The following STAM2 variants were observed in gnomAD, a reference collection of about 807,000 sequenced individuals.
STAM2 encodes signal transducing adapter molecule 2.
STAM2 carries 51 observed loss-of-function variants against 65.6 expected under a neutral mutation model. The observed-to-expected ratio is 0.78, with a 90% CI of 0.62 to 0.98. The LOEUF (loss-of-function observed/expected upper bound fraction) is 0.98. STAM2 is among the 50% of genes least tolerant of loss of function. The probability of loss-of-function intolerance (pLI) is 0.00; values close to 1 mark genes in which losing one functional copy is unlikely to be tolerated. For missense variants in STAM2, 584 were observed against 617.8 expected (o/e 0.95, Z 0.58); for synonymous variants, 198 against 208.4 (o/e 0.95, Z 0.43).
chr2:152,174,603 G>A (rs757635499), intron 1 of STAM2, among the ~76,000 whole-genome samples: 13 of 152,170 alleles, frequency 8.5e-5, no homozygotes, highest in Non-Finnish European at 1.5e-4. Context: ...GGGAATTACT[G>A]CTGAGATGTG....
intron 9 of STAM2, 63 bp from the exon 10 acceptor site, chr2:152,133,323 T>C: frequency 6.5e-7 from 1 of 1,544,264 alleles, no homozygotes; most frequent in Non-Finnish European, 8.9e-7. Flanking sequence ...AATATGAAAT[T>C]ACTCTTTCCA....
chr2:152,122,070 A>ATGTGTG (rs1301269911), intron 13 of STAM2, among the ~76,000 whole-genome samples: 3 of 112,254 alleles, frequency 2.7e-5, no homozygotes, highest in Admixed American at 1.1e-4. Flanking sequence ...ATATATATAT[A>ATGTGTG]TATATATGTG....
Position 152,162,496 on chromosome 2 carries a change from A to C in STAM2, c.41-12267T>G, listed in dbSNP as rs182300574. On this transcript the variant is annotated intron_variant, in intron 1 of 13. Transcript: ENST00000263904. Reference sequence around the variant, plus strand: ...TCAGAAGGCTGAGGCAGGAGAATACATGAGCCCAGGAGTTTGAGGTTACAG... The same window carrying C: ...TCAGAAGGCTGAGGCAGGAGAATACCTGAGCCCAGGAGTTTGAGGTTACAG... 1.5e-3 allele frequency among the ~76,000 whole-genome samples: 234 copies of C among 152,314 alleles called. 1 individual carries two copies. The highest frequency in any genetic ancestry group is 5.4e-3 in the African/African-American group (226 of 41,544).
intron 1 of STAM2, among the ~76,000 whole-genome samples, chr2:152,175,099 G>A (rs1689988909): frequency 6.6e-6 from 1 of 152,128 alleles, no homozygotes; most frequent in Non-Finnish European, 1.5e-5. Flanking sequence ...TACCCTATCA[G>A]GGATTGAATG....
At chr2:152,146,823 T>C (rs1689343937) in intron 5 of STAM2, among the ~76,000 whole-genome samples, 1 of 152,220 alleles carries the variant, frequency 6.6e-6, no homozygotes, top group Admixed American at 6.5e-5. Flanking sequence ...ACAATCTAAA[T>C]TAGTTATTTT....
chr2:152,158,052 T>C (rs1053216965), intron 1 of STAM2, among the ~76,000 whole-genome samples: 2 of 152,234 alleles, frequency 1.3e-5, no homozygotes, highest in African/African-American at 4.8e-5. Context: ...AAATGTTAGA[T>C]TTGGCAAGAA....
At chr2:152,168,512 G>C (rs1351351516) in intron 1 of STAM2, among the ~76,000 whole-genome samples, 1 of 152,102 alleles carries the variant, frequency 6.6e-6, no homozygotes, top group Non-Finnish European at 1.5e-5. Context: ...CAAAAGCCAT[G>C]CTAGAGACAC....
intron 8 of STAM2, 24 bp downstream of exon 8, chr2:152,135,485 A>G (rs1341708802): frequency 6.7e-7 from 1 of 1,497,152 alleles, no homozygotes; most frequent in Non-Finnish European, 9.3e-7. Context: ...AAATAGATCT[A>G]ATGTCGTCTA....
intron 11 of STAM2, among the ~76,000 whole-genome samples, chr2:152,126,859 G>A (rs1688972337): frequency 6.6e-6 from 1 of 152,154 alleles, no homozygotes; most frequent in African/African-American, 2.4e-5. Context: ...TGTGGGCGGA[G>A]TCTTCATTTG....
intron 5 of STAM2, among the ~76,000 whole-genome samples, chr2:152,145,688 A>G (rs989855298): frequency 6.6e-6 from 1 of 152,226 alleles, no homozygotes; most frequent in Non-Finnish European, 1.5e-5. Context: ...ATGGGGACAG[A>G]GACAAGAGGT....
chr2:152,149,608 C>T (rs1161052686), intron 2 of STAM2, among the ~76,000 whole-genome samples: 1 of 151,316 alleles, frequency 6.6e-6, no homozygotes, highest in Non-Finnish European at 1.5e-5. Flanking sequence ...AGCGATTTTC[C>T]TGTCTCAGCA....
intron 1 of STAM2, among the ~76,000 whole-genome samples, chr2:152,153,400 CA>C (rs1689483050): frequency 6.7e-6 from 1 of 149,880 alleles, no homozygotes. Context: ...AAGGAATAAT[CA>C]AAAGAAGCCA....
At chr2:152,135,434 AC>A in intron 8 of STAM2, 74 bp downstream of exon 8, 1 of 1,025,658 alleles carries the variant, frequency 9.7e-7, no homozygotes, top group Non-Finnish European at 1.5e-6. Flanking sequence ...AATCTACTTT[AC>A]ATCCAAAACT....
intron 13 of STAM2, among the ~76,000 whole-genome samples, chr2:152,121,004 T>C (rs1286242135): frequency 6.6e-6 from 1 of 152,166 alleles, no homozygotes; most frequent in Non-Finnish European, 1.5e-5. Flanking sequence ...GGGATCTTGC[T>C]CTGTTGCCCA....
intron 1 of STAM2, among the ~76,000 whole-genome samples, chr2:152,154,489 G>A (rs1291264644): frequency 6.6e-6 from 1 of 152,142 alleles, no homozygotes; most frequent in East Asian, 1.9e-4. Flanking sequence ...GTGGTGGCAC[G>A]CGCCTGTAGT....
intron 1 of STAM2, among the ~76,000 whole-genome samples, chr2:152,158,475 C>CA (rs371212329): frequency 0.031 from 4,546 of 146,548 alleles, 219 homozygotes; most frequent in African/African-American, 0.11. Context: ...GATTCCATCT[C>CA]AAAAAAAAAA....
At chr2:152,138,020 T>C (rs1476513659) in intron 7 of STAM2, among the ~76,000 whole-genome samples, 1 of 152,156 alleles carries the variant, frequency 6.6e-6, no homozygotes, top group African/African-American at 2.4e-5. Flanking sequence ...GAAAATACCC[T>C]TTCTATGTTA....
chr2:152,134,967 AAGTTCAGC>A (rs1346319376), intron 8 of STAM2, among the ~76,000 whole-genome samples: 2 of 152,328 alleles, frequency 1.3e-5, no homozygotes, highest in African/African-American at 4.8e-5. Flanking sequence ...AGACTGACTA[AAGTTCAGC>A]AGATCTGAAA....
intron 7 of STAM2, among the ~76,000 whole-genome samples, chr2:152,140,001 T>C (rs527331644): frequency 6.6e-6 from 1 of 152,334 alleles, no homozygotes; most frequent in Non-Finnish European, 1.5e-5. Flanking sequence ...CGCCATTTTA[T>C]ATCGAAGACT....
Sources: allele counts gnomAD v4.1 joint callset (sites outside exome capture counted in the v4.1 genomes callset), GRCh38; gene constraint gnomAD v4.1.1; transcripts MANE v1.5; gene names NCBI Gene and HGNC (gene_info 2026-07-23, HGNC 2026-07-21).